The following ANXA8 variants were observed in gnomAD, a reference collection of about 807,000 sequenced individuals.
ANXA8 encodes annexin A8.
In ANXA8, 9 loss-of-function variants were observed where a neutral mutation model predicts 26.8. The observed-to-expected ratio is 0.34, with a 90% CI of 0.20 to 0.59. ANXA8 has a LOEUF of 0.59. Among genes scored for constraint, ANXA8 ranks in the 20% least tolerant of loss-of-function variants. The pLI is 0.84. For missense variants in ANXA8, 83 were observed against 238.5 expected (o/e 0.35, Z 4.29); for synonymous variants, 39 against 94.8 (o/e 0.41, Z 3.42).
At chr10:47,710,509 T>C in the ANXA8 span, 1 of 1,497,626 alleles carries the variant, frequency 6.7e-7, no homozygotes, top group Non-Finnish European at 9.2e-7. Context: ...TATATATGTA[T>C]CATCAGCTAT....
the ANXA8 span, among the ~76,000 whole-genome samples, chr10:47,894,528 C>CCA: frequency 1.3e-5 from 2 of 148,436 alleles, no homozygotes; most frequent in African/African-American, 5.0e-5. Flanking sequence ...ACCATATACA[C>CCA]CACACACACA....
At chr10:47,560,974 C>T in the ANXA8 span, among the ~76,000 whole-genome samples, 1 of 151,246 alleles carries the variant, frequency 6.6e-6, no homozygotes, top group African/African-American at 2.4e-5. Flanking sequence ...CCACACCCAA[C>T]TCAATTTTTT....
the ANXA8 span, among the ~76,000 whole-genome samples, chr10:47,940,701 C>T: frequency 1.8e-4 from 27 of 146,590 alleles, no homozygotes; most frequent in African/African-American, 6.3e-4. Context: ...TGGTGGTGGG[C>T]GTCTGTAATC....
the ANXA8 span, among the ~76,000 whole-genome samples, chr10:47,566,530 C>T: frequency 1.2e-3 from 176 of 150,658 alleles, no homozygotes; most frequent in Admixed American, 3.8e-3. Context: ...CAGAGAGGTG[C>T]GGCCAGCCCT....
At chr10:47,551,043 T>C in the ANXA8 span, among the ~76,000 whole-genome samples, 10 of 150,676 alleles carry the variant, frequency 6.6e-5, no homozygotes, top group African/African-American at 2.2e-4. Flanking sequence ...TCCAAATCAA[T>C]TGCTGTTCAA....
At chr10:47,956,878 C>T in the ANXA8 span, among the ~76,000 whole-genome samples, 48 of 150,264 alleles carry the variant, frequency 3.2e-4, 2 homozygotes, top group African/African-American at 1.1e-3. Flanking sequence ...GCCTGGGCAC[C>T]ATCCACAAAC....
the ANXA8 span, among the ~76,000 whole-genome samples, chr10:47,749,467 A>T: frequency 6.7e-6 from 1 of 148,412 alleles, no homozygotes; most frequent in Non-Finnish European, 1.5e-5. Flanking sequence ...TGTAAAATAT[A>T]TGTGAAATTA....
At chr10:47,546,333 G>C in the ANXA8 span, among the ~76,000 whole-genome samples, 1 of 125,198 alleles carries the variant, frequency 8.0e-6, no homozygotes, top group South Asian at 2.5e-4. Flanking sequence ...TTAGAATTAA[G>C]TAAAAAAACA....
chr10:47,600,382 G>T, the ANXA8 span, among the ~76,000 whole-genome samples: 1 of 149,054 alleles, frequency 6.7e-6, no homozygotes, highest in Non-Finnish European at 1.5e-5. Context: ...CCCCGGGGCG[G>T]CCTGGCTTTT....
the ANXA8 span, among the ~76,000 whole-genome samples, chr10:47,746,778 G>A: frequency 8.9e-6 from 1 of 111,818 alleles, no homozygotes; most frequent in Non-Finnish European, 1.8e-5. Context: ...GCATTGACAT[G>A]TTGTGATTAG....
At chr10:47,627,197 T>C in the ANXA8 span, among the ~76,000 whole-genome samples, 1 of 150,190 alleles carries the variant, frequency 6.7e-6, no homozygotes. Context: ...AATCTTTTCA[T>C]GTACTCTTAA....
At chr10:47,644,681 T>C in the ANXA8 span, among the ~76,000 whole-genome samples, 131 of 151,742 alleles carry the variant, frequency 8.6e-4, 3 homozygotes, top group East Asian at 0.02. Context: ...TCCTATTTAG[T>C]TTTATTAACT....
the ANXA8 span, among the ~76,000 whole-genome samples, chr10:47,699,344 CAAA>C: frequency 1.1e-4 from 6 of 54,208 alleles, no homozygotes; most frequent in African/African-American, 3.0e-4. Context: ...ATTCTGTCTC[CAAA>C]AAAAAAAAAA....
the ANXA8 span, among the ~76,000 whole-genome samples, chr10:47,624,512 C>T: frequency 9.9e-6 from 1 of 100,932 alleles, no homozygotes; most frequent in Non-Finnish European, 2.2e-5. Flanking sequence ...CTCTTATATT[C>T]AAACATATTC....
the ANXA8 span, among the ~76,000 whole-genome samples, chr10:47,733,187 T>TTCTCTC: frequency 1.1e-5 from 1 of 94,218 alleles, no homozygotes; most frequent in African/African-American, 3.3e-5. Flanking sequence ...CTTTCTTTCT[T>TTCTCTC]TCTTTCTTTC....
upstream of ANXA8, among the ~76,000 whole-genome samples, chr10:47,485,077 T>C (rs1840009146): frequency 6.6e-6 from 1 of 151,168 alleles, no homozygotes. Flanking sequence ...TTGGTGCCCA[T>C]CTAGGTACAG....
the ANXA8 span, among the ~76,000 whole-genome samples, chr10:47,525,638 G>GATTATT: frequency 2.2e-5 from 3 of 134,360 alleles, no homozygotes; most frequent in Admixed American, 1.5e-4. Flanking sequence ...TGACATTGTA[G>GATTATT]ATTATTATTA....
chr10:47,944,504 T>A, the ANXA8 span, among the ~76,000 whole-genome samples: 1 of 150,216 alleles, frequency 6.7e-6, no homozygotes, highest in Non-Finnish European at 1.5e-5. Flanking sequence ...TGTGTCTCCA[T>A]CCAAATGTCA....
the ANXA8 span, among the ~76,000 whole-genome samples, chr10:47,674,810 T>G: frequency 6.6e-6 from 1 of 151,862 alleles, no homozygotes. Context: ...TTTATTTTAT[T>G]GTTCAAGTTG....
Sources: allele counts gnomAD v4.1 joint callset (sites outside exome capture counted in the v4.1 genomes callset), GRCh38; gene constraint gnomAD v4.1.1; transcripts MANE v1.5; gene names NCBI Gene and HGNC (gene_info 2026-07-23, HGNC 2026-07-21).